The following DENND5B variants were observed in gnomAD, a reference collection of about 807,000 sequenced individuals.
DENND5B encodes the protein DENN domain-containing protein 5B.
In DENND5B, 34 loss-of-function variants were observed where a neutral mutation model predicts 140.6. The ratio of observed to expected loss-of-function variants is 0.24; its 90% CI spans 0.18 to 0.32. The LOEUF is 0.32. DENND5B is among the 10% of genes least tolerant of loss of function. The probability of loss-of-function intolerance (pLI) is 1.00; values close to 1 mark genes in which losing one functional copy is unlikely to be tolerated. For missense variants in DENND5B, 1,142 were observed against 1,560.2 expected, an observed-to-expected ratio of 0.73 and a Z score of 4.52; for synonymous variants, 551 against 562.1, an observed-to-expected ratio of 0.98 and a Z score of 0.28.
At chr12:31,401,323 T>C (rs1941783961) in intron 15 of DENND5B, among the ~76,000 whole-genome samples, 1 of 152,206 alleles carries the variant, frequency 6.6e-6, no homozygotes, top group Non-Finnish European at 1.5e-5. Context: ...ACTTTCATTA[T>C]TGTTAGATGA....
chr12:31,438,997 A>G (rs1435258021), intron 7 of DENND5B, among the ~76,000 whole-genome samples: 4 of 152,238 alleles, frequency 2.6e-5, no homozygotes, highest in Non-Finnish European at 4.4e-5. Flanking sequence ...AAAATGGCCT[A>G]CTTAATTTTA....
At chr12:31,404,361 A>G (rs2137446389) in intron 14 of DENND5B, among the ~76,000 whole-genome samples, 1 of 152,304 alleles carries the variant, frequency 6.6e-6, no homozygotes, top group South Asian at 2.1e-4. Flanking sequence ...CAGCAGCCCA[A>G]TCAGTGTTCA....
chr12:31,523,764 C>A (rs1947988639), intron 1 of DENND5B, among the ~76,000 whole-genome samples: 1 of 152,108 alleles, frequency 6.6e-6, no homozygotes, highest in Non-Finnish European at 1.5e-5. Flanking sequence ...ATTACCAAAG[C>A]CATTATATTT....
intron 14 of DENND5B, among the ~76,000 whole-genome samples, chr12:31,404,776 T>TTTTTTTTTTTTA (rs1942025297): frequency 6.9e-6 from 1 of 145,886 alleles, no homozygotes; most frequent in Admixed American, 7.0e-5. Context: ...TTTTTTTTTT[T>TTTTTTTTTTTTA]GAGACAGAGT....
At chr12:31,428,793 G>A (rs1398253428) in intron 8 of DENND5B, among the ~76,000 whole-genome samples, 1 of 151,912 alleles carries the variant, frequency 6.6e-6, no homozygotes, top group Admixed American at 6.6e-5. Context: ...GTGCAGTGGC[G>A]CGATCTCGGC....
chr12:31,451,337 T>A (rs71455667), intron 5 of DENND5B, among the ~76,000 whole-genome samples: 22,206 of 152,068 alleles, frequency 0.15, 1,868 homozygotes, highest in Non-Finnish European at 0.19. Flanking sequence ...TTATTTATTT[T>A]TTTTGAGATG....
At chr12:31,478,584 C>A (rs1356669124) in intron 3 of DENND5B, among the ~76,000 whole-genome samples, 1 of 151,976 alleles carries the variant, frequency 6.6e-6, no homozygotes, top group Non-Finnish European at 1.5e-5. Context: ...TCCTATAGTA[C>A]CAGCTACTCA....
intron 14 of DENND5B, 76 bp from the exon 15 acceptor site, chr12:31,402,719 CTTG>C: frequency 6.8e-7 from 1 of 1,463,698 alleles, no homozygotes; most frequent in South Asian, 1.6e-5. Flanking sequence ...ATTAAGAACT[CTTG>C]TTGGTTTTCA....
chr12:31,480,932 G>A lies in DENND5B; in HGVS notation c.238-677C>T, dbSNP rs1486267092. Among the ~76,000 whole-genome samples, 5 of 152,096 alleles carry A rather than the reference G, an allele frequency of 3.3e-5. No homozygotes were observed. The East Asian group carries it at 5.8e-4, about 18-fold the overall frequency. On this transcript the variant is annotated intron_variant, in intron 2 of 20. Coordinates refer to ENST00000389082, the MANE Select transcript of DENND5B (RefSeq NM_144973.4). ...GCTCTAGTTCTTGGGAACTACCCAG[G>A]ATTGAGGAAACTTGAGAACAAAATT...
At chr12:31,409,423 AAG>A in intron 13 of DENND5B, 39 bp from the exon 14 acceptor site, 5 of 1,455,426 alleles carry the variant, frequency 3.4e-6, no homozygotes, top group South Asian at 2.8e-5. Flanking sequence ...AGTAGTATCA[AAG>A]AAAAAAAAAA....
chr12:31,463,219 A>G (rs924814011), intron 3 of DENND5B, among the ~76,000 whole-genome samples: 6 of 152,236 alleles, frequency 3.9e-5, no homozygotes, highest in African/African-American at 1.2e-4. Flanking sequence ...CGATCGTACC[A>G]CTGCACTCCA....
At chr12:31,485,302 T>C (rs1375673216) in intron 2 of DENND5B, among the ~76,000 whole-genome samples, 2 of 152,188 alleles carry the variant, frequency 1.3e-5, no homozygotes, top group African/African-American at 2.4e-5. Context: ...AACTGACCAC[T>C]TCTTCAAGCA....
At chr12:31,399,951 CATA>C (rs1941707412) in intron 15 of DENND5B, among the ~76,000 whole-genome samples, 179 bp from the exon 16 acceptor site, 1 of 152,156 alleles carries the variant, frequency 6.6e-6, no homozygotes, top group African/African-American at 2.4e-5. Context: ...GGAGCTCCCA[CATA>C]ATGAGATAGG....
At chr12:31,524,278 A>T (rs1948007431) in intron 1 of DENND5B, among the ~76,000 whole-genome samples, 1 of 152,180 alleles carries the variant, frequency 6.6e-6, no homozygotes. Context: ...ATATGGCAGA[A>T]ATGTCACTGT....
intron 3 of DENND5B, among the ~76,000 whole-genome samples, chr12:31,466,625 G>A (rs572343088): frequency 1.3e-5 from 2 of 152,138 alleles, no homozygotes; most frequent in Non-Finnish European, 2.9e-5. Flanking sequence ...CCCAGGAGGC[G>A]AAGGTTACAG....
Position 31,398,325 on chromosome 12 carries a change from C to T in DENND5B, c.3106G>A (p.Asp1036Asn). Residue 1036 changes from aspartate (D) to asparagine (N), a missense_variant, in exon 17 of 21, where the codon GAT becomes AAT. Asp to Asn is a conservative substitution (Grantham distance 23, BLOSUM62 1). Transcript: ENST00000389082. ...CGRWLGKGID[D>N]GSLERILIGE... The stretch of plus-strand genomic sequence containing the variant: ...ATAAGAATTCTCTCCAGGCTCCCAT[C>T]ATCAATGCCTTTCCCCAGCCACCGC... 6.4e-7 allele frequency: 1 copy of T among 1,552,382 alleles called. No homozygotes were observed. The highest frequency in any genetic ancestry group is 1.4e-5 in the African/African-American group (1 of 73,150).
At chr12:31,538,137 C>G (rs1358567276) in intron 1 of DENND5B, among the ~76,000 whole-genome samples, 1 of 152,082 alleles carries the variant, frequency 6.6e-6, no homozygotes, top group Non-Finnish European at 1.5e-5. Context: ...TAATCTGTAC[C>G]AAATGGACCT....
intron 11 of DENND5B, among the ~76,000 whole-genome samples, chr12:31,416,126 C>T (rs1190476250): frequency 6.6e-6 from 1 of 152,042 alleles, no homozygotes; most frequent in South Asian, 2.1e-4. Flanking sequence ...CGTGAGCCAC[C>T]GTGCCCAGAC....
At chr12:31,454,742 C>T (rs914929681) in intron 4 of DENND5B, among the ~76,000 whole-genome samples, 28 of 151,088 alleles carry the variant, frequency 1.9e-4, no homozygotes, top group Admixed American at 5.3e-4. Flanking sequence ...TGCGCCTGGC[C>T]GGCCTACACC....
Sources: gnomAD v4.1 joint callset for allele counts (sites outside exome capture counted in the v4.1 genomes callset) on GRCh38, gnomAD v4.1.1 for gene constraint, MANE v1.5 for transcripts, NCBI Gene and HGNC (gene_info 2026-07-23, HGNC 2026-07-21) for gene names.